PLB1: variants seen among roughly 807,000 people sequenced by gnomAD.
The protein encoded by PLB1 is phospholipase B1, membrane-associated.
In PLB1, 242 loss-of-function variants were observed where a neutral mutation model predicts 227.4. The ratio of observed to expected loss-of-function variants is 1.06; its 90% confidence interval spans 0.96 to 1.18. The LOEUF is 1.18. PLB1 is among the 50% of genes most tolerant of loss of function. The probability of loss-of-function intolerance (pLI) is 0.00; values close to 1 mark genes in which losing one functional copy is unlikely to be tolerated. For missense variants in PLB1, 1,858 were observed against 1,816.3 expected, an observed-to-expected ratio of 1.02 and a Z score of -0.42; for synonymous variants, 757 against 682.2, an observed-to-expected ratio of 1.11 and a Z score of -1.71.
intron 36 of PLB1, 98 bp downstream of exon 36, chr2:28,600,958 T>C: frequency 2.6e-6 from 3 of 1,133,210 alleles, no homozygotes; most frequent in Admixed American, 2.0e-5. Flanking sequence ...GTGAGCCCCA[T>C]GTTATTAGAG....
intron 33 of PLB1, chr2:28,594,093 G>C: frequency 1.7e-6 from 1 of 601,164 alleles, no homozygotes. Flanking sequence ...TGTACACGTG[G>C]TGTTCCTACG....
At position 28,585,857 on chromosome 2, in the gene PLB1, G is replaced by T; in HGVS notation, c.1815+15G>T. 2 of 1,574,992 alleles carry T rather than the reference G, an allele frequency of 1.3e-6. No homozygotes were observed. Among genetic ancestry groups the T allele is most frequent in the Non-Finnish European group, 1.7e-6 (2 of 1,144,560 alleles). Reference sequence around the variant, plus strand: ...AGAAGTTTCAGGTAAGCCGGGAAGGGGTTCTAAGACTTCCCAGAACTGCTG... The same window carrying T: ...AGAAGTTTCAGGTAAGCCGGGAAGGTGTTCTAAGACTTCCCAGAACTGCTG... On this transcript the variant is annotated intron_variant, in intron 26 of 57. Transcript: ENST00000327757.
chr2:28,582,527 G>A (rs756139584), intron 25 of PLB1, 22 bp downstream of exon 25: 9 of 1,555,742 alleles, frequency 5.8e-6, no homozygotes, highest in Non-Finnish European at 6.1e-6. Flanking sequence ...ACTTCTCCCC[G>A]ATTCTACTAA....
At chr2:28,631,280 C>T (rs1265635734) in intron 54 of PLB1, among the ~76,000 whole-genome samples, 1 of 152,212 alleles carries the variant, frequency 6.6e-6, no homozygotes, top group African/African-American at 2.4e-5. Context: ...GTCTCTGCCT[C>T]TATTGTTCCC....
At chr2:28,598,155 GC>G in intron 34 of PLB1, 107 bp downstream of exon 34, 1 of 944,828 alleles carries the variant, frequency 1.1e-6, no homozygotes, top group Non-Finnish European at 1.6e-6. Context: ...CTGCCTTATG[GC>G]CCAGCATTTA....
intron 17 of PLB1, among the ~76,000 whole-genome samples, chr2:28,558,601 A>AG (rs1337245643): frequency 6.6e-6 from 1 of 152,170 alleles, no homozygotes; most frequent in African/African-American, 2.4e-5. Context: ...CACATGGTGT[A>AG]GCTGTGGATG....
rs536802772 is a variant in PLB1, at chr2:28,643,147, T to A, written c.*86T>A. 6 of 1,306,594 alleles carry A rather than the reference T, an allele frequency of 4.6e-6. No individual in the cohort carries two copies. The South Asian group carries it at 9.8e-5, about 21-fold the overall frequency. 80.9% of individuals were successfully genotyped at this position (1,306,594 alleles called of 1,614,324 possible). ...CCAGCCACTCCCGGCCACCAGGACA[T>A]GCTTCAATGCCTGGTGCCATAGGAA... On this transcript the variant is annotated 3_prime_UTR_variant, in exon 58 of 58. Transcript: ENST00000327757.
chr2:28,583,108 C>T (rs1487350203), intron 25 of PLB1, among the ~76,000 whole-genome samples: 2 of 152,142 alleles, frequency 1.3e-5, no homozygotes, highest in African/African-American at 2.4e-5. Flanking sequence ...CAGAGCCAGA[C>T]AGAGCTGGCT....
chr2:28,603,122 G>C (rs935704013), intron 39 of PLB1, among the ~76,000 whole-genome samples: 3 of 152,220 alleles, frequency 2.0e-5, no homozygotes, highest in Non-Finnish European at 4.4e-5. Flanking sequence ...GTGCCTGGCA[G>C]GAACTTCTAT....
Position 28,525,317 on chromosome 2 carries a change from C to T in PLB1, c.284+10C>T, listed in dbSNP as rs1261945591. ...TGGAGAAGCAAGACTGGTAACTATC[C>T]TGAAAACACAGAAAACAGAAAGGAG... On this transcript the variant is annotated intron_variant, in intron 5 of 57. Coordinates refer to ENST00000327757, the MANE Select transcript of PLB1 (RefSeq NM_153021.5). The T allele has an allele frequency of 6.8e-6, 11 of 1,612,994 alleles. No homozygotes were observed. The highest frequency in any genetic ancestry group is 8.5e-6 in the Non-Finnish European group (10 of 1,179,392).
intron 15 of PLB1, 75 bp downstream of exon 15, chr2:28,549,006 G>A: frequency 3.0e-6 from 4 of 1,325,452 alleles, no homozygotes; most frequent in Non-Finnish European, 4.3e-6. Flanking sequence ...GGGCTTTGCT[G>A]TGAAGTGGGT....
chr2:28,591,172 G>T lies in PLB1; in HGVS notation c.2127+1G>T, dbSNP rs760022335. 3 of 1,614,194 alleles carry T rather than the reference G, an allele frequency of 1.9e-6. No homozygotes were observed. Among genetic ancestry groups the T allele is most frequent in the Non-Finnish European group, 1.7e-6 (2 of 1,180,014 alleles). On this transcript the variant is annotated splice_donor_variant, in intron 30 of 57. Transcript: ENST00000327757. LOFTEE classifies it high-confidence loss of function. ...GAGGACCTACAAGAACAGCATGCAG[G>T]TACCTGCCTCTTGCCTCCTCTTGAC...
chr2:28,533,368 G>A (rs972599119), intron 9 of PLB1, among the ~76,000 whole-genome samples: 6 of 152,128 alleles, frequency 3.9e-5, no homozygotes, highest in South Asian at 2.1e-4. Flanking sequence ...CTCCAGTGCC[G>A]AGTGAAATTT....
At chr2:28,539,856 G>A (rs1672219996) in intron 11 of PLB1, among the ~76,000 whole-genome samples, 1 of 151,696 alleles carries the variant, frequency 6.6e-6, no homozygotes, top group Non-Finnish European at 1.5e-5. Flanking sequence ...GGGGGAGAAA[G>A]AGCTTCCCTC....
intron 18 of PLB1, among the ~76,000 whole-genome samples, chr2:28,564,078 AAAAAG>A (rs976985096): frequency 4.6e-5 from 7 of 152,276 alleles, no homozygotes; most frequent in Non-Finnish European, 8.8e-5. Context: ...AATCTCTACA[AAAAAG>A]AAAAGAAAAA....
chr2:28,630,905 C>T (rs1688529764), intron 54 of PLB1, among the ~76,000 whole-genome samples: 1 of 152,138 alleles, frequency 6.6e-6, no homozygotes, highest in South Asian at 2.1e-4. Context: ...CAAGAGATTC[C>T]CAGAGTAGAC....
intron 26 of PLB1, among the ~76,000 whole-genome samples, chr2:28,586,992 A>C (rs377299470): frequency 7.9e-5 from 12 of 151,782 alleles, no homozygotes; most frequent in African/African-American, 2.9e-4. Context: ...CAAGCAATCC[A>C]CCCGCCTCAG....
intron 1 of PLB1, among the ~76,000 whole-genome samples, chr2:28,497,208 G>A (rs1666559282): frequency 6.6e-6 from 1 of 152,176 alleles, no homozygotes; most frequent in African/African-American, 2.4e-5. Flanking sequence ...GCTCTTTGGA[G>A]GTTACATATA....
At chr2:28,502,806 T>G (rs1447520319) in intron 1 of PLB1, among the ~76,000 whole-genome samples, 3 of 152,194 alleles carry the variant, frequency 2.0e-5, no homozygotes, top group Admixed American at 6.5e-5. Flanking sequence ...ATAATGGATT[T>G]TTTTTCCTTT....
Sources: allele counts gnomAD v4.1 joint callset (sites outside exome capture counted in the v4.1 genomes callset), GRCh38; gene constraint gnomAD v4.1.1; transcripts MANE v1.5; gene names NCBI Gene and HGNC (gene_info 2026-07-23, HGNC 2026-07-21).